Variants in NEGR1 observed in about 807,000 individuals in gnomAD.
NEGR1 encodes IgLON family member 4.
In NEGR1, 10 loss-of-function variants were observed where a neutral mutation model predicts 40.9. The ratio of observed to expected loss-of-function variants is 0.24; its 90% confidence interval spans 0.15 to 0.42. The LOEUF (loss-of-function observed/expected upper bound fraction) is 0.42, where lower values mean the gene tolerates loss of function less well. NEGR1 is among the 10% of genes least tolerant of loss of function. NEGR1 has a pLI of 1.00. For synonymous variants in NEGR1, 185 were observed against 166.8 expected (o/e 1.11, Z -0.84); for missense variants, 352 against 438.9 (o/e 0.80, Z 1.77).
chr1:72,001,193 G>A (rs1646554618), intron 1 of NEGR1, among the ~76,000 whole-genome samples: 1 of 151,986 alleles, frequency 6.6e-6, no homozygotes, highest in Admixed American at 6.6e-5. Flanking sequence ...ATTCAACTGT[G>A]AAATGGCAAC....
At chr1:71,755,488 C>G (rs553900103) in intron 3 of NEGR1, among the ~76,000 whole-genome samples, 1 of 152,188 alleles carries the variant, frequency 6.6e-6, no homozygotes, top group African/African-American at 2.4e-5. Context: ...TAAACTCTCA[C>G]CATGGCCTGT....
intron 1 of NEGR1, among the ~76,000 whole-genome samples, chr1:72,215,997 G>A (rs559222313): frequency 3.3e-5 from 5 of 151,952 alleles, no homozygotes; most frequent in Admixed American, 6.6e-5. Flanking sequence ...AGGAAATGTG[G>A]CACATATACA....
intron 1 of NEGR1, among the ~76,000 whole-genome samples, chr1:72,079,943 A>G (rs1647919742): frequency 6.6e-6 from 1 of 152,144 alleles, no homozygotes; most frequent in Non-Finnish European, 1.5e-5. Flanking sequence ...CCGAGATTAT[A>G]TTTGCCTATC....
chr1:71,512,375 G>A (rs1195934457), intron 6 of NEGR1, among the ~76,000 whole-genome samples: 1 of 151,942 alleles, frequency 6.6e-6, no homozygotes, highest in Admixed American at 6.6e-5. Context: ...TGTACTCAAG[G>A]AAAAAGAATC....
chr1:71,604,153 T>C (rs537225423), intron 5 of NEGR1, among the ~76,000 whole-genome samples: 2 of 152,254 alleles, frequency 1.3e-5, no homozygotes, highest in African/African-American at 2.4e-5. Flanking sequence ...CGTTTAATTA[T>C]ATGTGCTATC....
intron 2 of NEGR1, among the ~76,000 whole-genome samples, chr1:71,781,359 A>G (rs1367675688): frequency 1.3e-5 from 2 of 152,236 alleles, no homozygotes; most frequent in African/African-American, 2.4e-5. Context: ...CAGGTCACAC[A>G]TGATATTAAA....
Position 71,404,759 on chromosome 1 carries a change from T to C in NEGR1, c.*2687A>G, listed in dbSNP as rs1646267521. On this transcript the variant is annotated 3_prime_UTR_variant, in exon 7 of 7. Coordinates refer to ENST00000357731, the MANE Select transcript of NEGR1 (RefSeq NM_173808.3). ...AAAATATAATCCTGAAATGAACAGC[T>C]AACACAAATTGTTATAGATTAAAAG... is the stretch of plus-strand genomic sequence containing the variant. 1 of 152,180 alleles carries C rather than the reference T, an allele frequency of 6.6e-6. No homozygotes were observed. The highest frequency in any genetic ancestry group is 6.6e-5 in the Admixed American group (1 of 15,212). 9.4% of individuals were successfully genotyped at this position (152,180 alleles called of 1,614,324 possible). A position where few individuals can be genotyped will look rare whatever the true frequency, so the allele number is the denominator to read the frequency against.
At chr1:71,417,154 A>T (rs978786523) in intron 6 of NEGR1, among the ~76,000 whole-genome samples, 4 of 152,152 alleles carry the variant, frequency 2.6e-5, no homozygotes, top group African/African-American at 9.7e-5. Flanking sequence ...CCTATACTTC[A>T]TCTATATTTT....
intron 4 of NEGR1, among the ~76,000 whole-genome samples, chr1:71,624,446 C>A (rs1378078771): frequency 6.6e-6 from 1 of 151,986 alleles, no homozygotes; most frequent in East Asian, 1.9e-4. Flanking sequence ...CTACACACAA[C>A]TATGCTTCAC....
chr1:71,839,849 T>G (rs990407101), intron 2 of NEGR1, among the ~76,000 whole-genome samples: 8 of 152,148 alleles, frequency 5.3e-5, no homozygotes, highest in Non-Finnish European at 1.0e-4. Context: ...GTCTTAGAGC[T>G]TTCACATTGT....
intron 3 of NEGR1, chr1:71,703,493 A>G (rs1653769127): frequency 6.9e-6 from 1 of 144,560 alleles, no homozygotes; most frequent in Non-Finnish European, 1.5e-5. Flanking sequence ...CCTAGAAATG[A>G]AAAAAAAAAA....
At chr1:71,644,070 C>G (rs80150720) in intron 4 of NEGR1, among the ~76,000 whole-genome samples, 1 of 151,826 alleles carries the variant, frequency 6.6e-6, no homozygotes, top group Non-Finnish European at 1.5e-5. Flanking sequence ...TCCTTGCTGC[C>G]CAAAAGAGTT....
intron 2 of NEGR1, among the ~76,000 whole-genome samples, chr1:71,794,788 T>A (rs1237483685): frequency 6.6e-6 from 1 of 152,102 alleles, no homozygotes; most frequent in African/African-American, 2.4e-5. Context: ...TACCATAAAC[T>A]GATTTAAATA....
At chr1:72,045,286 C>A (rs1347984773) in intron 1 of NEGR1, among the ~76,000 whole-genome samples, 1 of 151,788 alleles carries the variant, frequency 6.6e-6, no homozygotes, top group Non-Finnish European at 1.5e-5. Context: ...TATATCAAAT[C>A]ATCAATTGGA....
Position 72,115,247 on chromosome 1 carries a change from C to T in NEGR1, c.176+167072G>A, listed in dbSNP as rs375826488. Among the ~76,000 whole-genome samples, 18 of 151,690 alleles carry T rather than the reference C, an allele frequency of 1.2e-4. No homozygotes were observed. In the East Asian group the frequency reaches 3.5e-3, roughly 30 times the overall value. ...TAGCATATAAAATAATGTCATAATG[C>T]ACTGGGTTGAGAAACCTATTTCTCC... On this transcript the variant is annotated intron_variant, in intron 1 of 6. Transcript: ENST00000357731.
chr1:71,876,008 T>C (rs938789335), intron 2 of NEGR1, among the ~76,000 whole-genome samples: 1 of 152,104 alleles, frequency 6.6e-6, no homozygotes, highest in Non-Finnish European at 1.5e-5. Context: ...AGTCTTAATC[T>C]CTCCTCCACT....
chr1:71,689,935 A>G (rs1344568233), intron 4 of NEGR1, among the ~76,000 whole-genome samples: 4 of 152,082 alleles, frequency 2.6e-5, no homozygotes, highest in Non-Finnish European at 5.9e-5. Context: ...TTTAACAGAT[A>G]GAGAGAATAG....
chr1:72,077,626 C>CAATA (rs3080202), intron 1 of NEGR1, among the ~76,000 whole-genome samples: 15,362 of 146,650 alleles, frequency 0.1, 1,024 homozygotes, highest in East Asian at 0.27. Context: ...TCTGTCTCTA[C>CAATA]AATAAATAAA....
chr1:72,249,097 G>A (rs562392339), intron 1 of NEGR1, among the ~76,000 whole-genome samples: 3 of 152,282 alleles, frequency 2.0e-5, no homozygotes, highest in Admixed American at 6.5e-5. Context: ...ACCATTGGGA[G>A]GTAATTATGT....
Sources: allele counts gnomAD v4.1 joint callset (sites outside exome capture counted in the v4.1 genomes callset), GRCh38; gene constraint gnomAD v4.1.1; transcripts MANE v1.5; gene names NCBI Gene and HGNC (gene_info 2026-07-23, HGNC 2026-07-21).